Variants in CMIP observed in about 807,000 individuals in gnomAD.
CMIP encodes C-Maf-inducing protein.
CMIP carries 13 observed loss-of-function variants against 97.3 expected under a neutral mutation model. The ratio of observed to expected loss-of-function variants is 0.13; its 90% CI spans 0.09 to 0.21. CMIP has a LOEUF of 0.21. Among genes scored for constraint, CMIP ranks in the 10% least tolerant of loss-of-function variants. The pLI is 1.00. For synonymous variants in CMIP, 538 were observed against 436.3 expected (o/e 1.23, Z -2.91); for missense variants, 847 against 1,024.9 (o/e 0.83, Z 2.37).
At chr16:81,446,600 A>C (rs1391297056) in intron 1 of CMIP, among the ~76,000 whole-genome samples, 1 of 151,962 alleles carries the variant, frequency 6.6e-6, no homozygotes, top group African/African-American at 2.4e-5. Flanking sequence ...CCCTGGGGCC[A>C]CCGTGATCCT....
chr16:81,618,477 GA>G (rs993004311), intron 2 of CMIP: 1 of 152,242 alleles, frequency 6.6e-6, no homozygotes, highest in Non-Finnish European at 1.5e-5. Flanking sequence ...ATTTAGGATG[GA>G]ACATGTTTAG....
chr16:81,541,812 A>G (rs542052441), intron 1 of CMIP, among the ~76,000 whole-genome samples: 1 of 152,354 alleles, frequency 6.6e-6, no homozygotes, highest in African/African-American at 2.4e-5. Flanking sequence ...GGCATCAGGC[A>G]TGCGTTTATG....
rs540563737 is a variant in CMIP at position 81,538,514 on chromosome 16, C to A, written c.301-69053C>A. ...TGTCTCCATGTTCTTACTTCGCGAG[C>A]TGAGTAAGTTGATATCTGCAATTTA... On this transcript the variant is annotated intron_variant, in intron 1 of 20. Coordinates refer to ENST00000537098, the MANE Select transcript of CMIP (RefSeq NM_198390.3). Among the ~76,000 whole-genome samples the A allele has an allele frequency of 2.6e-4, 39 of 152,310 alleles. 1 individual carries two copies. In the South Asian group the frequency reaches 7.9e-3, roughly 31 times the overall value.
At chr16:81,593,099 A>T (rs982034750) in intron 1 of CMIP, among the ~76,000 whole-genome samples, 1 of 152,162 alleles carries the variant, frequency 6.6e-6, no homozygotes, top group Non-Finnish European at 1.5e-5. Flanking sequence ...ACCTTGAGCC[A>T]TGTGGCCATA....
intron 1 of CMIP, among the ~76,000 whole-genome samples, chr16:81,583,976 TAAG>T (rs985799932): frequency 6.0e-5 from 9 of 151,190 alleles, no homozygotes; most frequent in Non-Finnish European, 7.4e-5. Context: ...AGAAGAAAAA[TAAG>T]AGGAGGCAGA....
intron 2 of CMIP, chr16:81,611,288 C>G (rs1286884643): frequency 6.6e-6 from 1 of 152,256 alleles, no homozygotes; most frequent in Admixed American, 6.5e-5. Context: ...CCTCATACTG[C>G]AGGCACCTGA....
chr16:81,620,755 A>G, intron 2 of CMIP, 121 bp from the exon 3 acceptor site: 2 of 1,139,914 alleles, frequency 1.8e-6, no homozygotes, highest in Non-Finnish European at 2.5e-6. Flanking sequence ...CAGGCTTGTT[A>G]GGGTCACAGG....
chr16:81,539,233 A>C (rs150142044), intron 1 of CMIP, among the ~76,000 whole-genome samples: 32 of 152,340 alleles, frequency 2.1e-4, no homozygotes, highest in Non-Finnish European at 4.4e-4. Context: ...TCTCAATTGC[A>C]CAGAAAAACA....
intron 15 of CMIP, 61 bp downstream of exon 15, chr16:81,699,862 A>T (rs1597269058): frequency 8.5e-7 from 1 of 1,172,084 alleles, no homozygotes; most frequent in Non-Finnish European, 1.2e-6. Context: ...GTCCGTGCCG[A>T]TAGAGCATCT....
At chr16:81,696,013 C>A in intron 13 of CMIP, 1 of 163,824 alleles carries the variant, frequency 6.1e-6, no homozygotes. Context: ...AGGCACACAC[C>A]CAAGAGGGAG....
At chr16:81,545,685 C>T (rs73596429) in intron 1 of CMIP, among the ~76,000 whole-genome samples, 11,008 of 152,258 alleles carry the variant, frequency 0.072, 1,292 homozygotes, top group African/African-American at 0.25. Flanking sequence ...GACTGATCTG[C>T]TTCTGTTCTA....
At chr16:81,671,142 T>C (rs982918392) in intron 8 of CMIP, among the ~76,000 whole-genome samples, 6 of 152,200 alleles carry the variant, frequency 3.9e-5, no homozygotes, top group African/African-American at 1.4e-4. Flanking sequence ...TCTCATGTTT[T>C]AAGAAAATCA....
intron 9 of CMIP, among the ~76,000 whole-genome samples, chr16:81,675,275 C>G (rs1004056155): frequency 6.6e-6 from 1 of 152,104 alleles, no homozygotes; most frequent in Non-Finnish European, 1.5e-5. Flanking sequence ...GCAATCTCTG[C>G]TCACTGCAAC....
intron 3 of CMIP, among the ~76,000 whole-genome samples, chr16:81,632,389 C>T (rs1173269873): frequency 1.3e-5 from 2 of 152,196 alleles, no homozygotes; most frequent in East Asian, 3.8e-4. Context: ...TTTGTAAACA[C>T]CACGCAGACT....
chr16:81,541,797 A>C (rs1004535152), intron 1 of CMIP, among the ~76,000 whole-genome samples: 5 of 152,198 alleles, frequency 3.3e-5, no homozygotes, highest in African/African-American at 1.2e-4. Context: ...GCAGCTTGTC[A>C]ATCAGGCATC....
chr16:81,581,875 G>T (rs907122954), intron 1 of CMIP, among the ~76,000 whole-genome samples: 1 of 152,158 alleles, frequency 6.6e-6, no homozygotes, highest in Non-Finnish European at 1.5e-5. Flanking sequence ...GTATTAATCA[G>T]TTCTTACCTT....
chr16:81,583,726 T>G (rs1463249027), intron 1 of CMIP, among the ~76,000 whole-genome samples: 1 of 152,174 alleles, frequency 6.6e-6, no homozygotes, highest in Non-Finnish European at 1.5e-5. Context: ...TAGATACCCC[T>G]TTCCCAAGTG....
intron 1 of CMIP, among the ~76,000 whole-genome samples, chr16:81,585,364 C>G (rs987365157): frequency 6.6e-6 from 1 of 152,088 alleles, no homozygotes. Flanking sequence ...AATAAATGTA[C>G]CATTTGGTGG....
intron 1 of CMIP, among the ~76,000 whole-genome samples, chr16:81,542,864 T>C (rs2090474219): frequency 1.3e-5 from 2 of 152,188 alleles, no homozygotes; most frequent in Non-Finnish European, 2.9e-5. Flanking sequence ...AACAGAGGAA[T>C]TTCCGGGAGG....
Sources: gnomAD v4.1 joint callset for allele counts (sites outside exome capture counted in the v4.1 genomes callset) on GRCh38, gnomAD v4.1.1 for gene constraint, MANE v1.5 for transcripts, NCBI Gene and HGNC (gene_info 2026-07-23, HGNC 2026-07-21) for gene names.